ZNF653: variants seen among roughly 807,000 people sequenced by gnomAD.
The protein encoded by ZNF653 is 67 kDa zinc finger protein.
A neutral mutation model predicts 59.9 loss-of-function variants in ZNF653; 37 were observed. The ratio of observed to expected loss-of-function variants is 0.62; its 90% CI spans 0.48 to 0.81. The LOEUF (loss-of-function observed/expected upper bound fraction) is 0.81. Among genes scored for constraint, ZNF653 ranks in the 40% least tolerant of loss-of-function variants. The pLI, the probability that ZNF653 is intolerant of heterozygous loss-of-function variation, is 0.00. For missense variants in ZNF653, 808 were observed against 881.1 expected (o/e 0.92, Z 1.05); for synonymous variants, 435 against 371.8 (o/e 1.17, Z -1.96).
chr19:11,491,584 C>A (rs1356111969), intron 3 of ZNF653, among the ~76,000 whole-genome samples: 2 of 152,008 alleles, frequency 1.3e-5, no homozygotes, highest in East Asian at 3.9e-4. Context: ...ATTCCCTCGG[C>A]TTGAATCCTC....
Position 11,484,242 on chromosome 19 carries a change from G to C in ZNF653, c.1571-101C>G, listed in dbSNP as rs1234188976. 4.2e-6 allele frequency: 4 copies of C among 959,640 alleles called. No homozygotes were observed. In the East Asian group the frequency reaches 1.1e-4, roughly 25 times the overall value. The allele number at this position is 959,640 out of a possible 1,614,324, so 59.4% of individuals were successfully genotyped here. ...GAAGGAGCATCAGGCTGTCTCCTTGGATCTCCCAGGACTGCAGGTGCAGGC... is the reference window on the plus strand; with the variant it reads ...GAAGGAGCATCAGGCTGTCTCCTTGCATCTCCCAGGACTGCAGGTGCAGGC... On this transcript the variant is annotated intron_variant, in intron 7 of 8. Coordinates refer to ENST00000293771, the MANE Select transcript of ZNF653 (RefSeq NM_138783.4).
rs762964628 is a variant in ZNF653, at chr19:11,496,134, G to A, written c.375C>T (p.Asn125=). Residue 125 remains asparagine (N), a synonymous_variant, in exon 3 of 9, where the codon AAC becomes AAT. Coordinates refer to ENST00000293771, the MANE Select transcript of ZNF653 (RefSeq NM_138783.4). ...TGTGGTCCTCGTACCAGATCACCAC[G>A]TTCTTCAGGCAGTTCACGTTGCGTC... ...RRRRNVNCLK[N]VVIWYEDHKH... 8 of 1,613,868 alleles carry A rather than the reference G, an allele frequency of 5.0e-6. No individual in the cohort carries two copies. The highest frequency in any genetic ancestry group is 4.4e-5 in the South Asian group (4 of 91,086).
intron 1 of ZNF653, chr19:11,505,152 G>C (rs978866118): frequency 7.6e-6 from 2 of 264,040 alleles, no homozygotes; most frequent in African/African-American, 2.2e-5. Flanking sequence ...TGAGGGGGCG[G>C]GGCTGCCCCC....
intron 1 of ZNF653, among the ~76,000 whole-genome samples, chr19:11,502,621 AG>A (rs2144953349): frequency 6.6e-6 from 1 of 152,202 alleles, no homozygotes; most frequent in South Asian, 2.1e-4. Context: ...TCTTGAGTCC[AG>A]GAGTTCAAGA....
intron 1 of ZNF653, among the ~76,000 whole-genome samples, chr19:11,501,564 G>A (rs1254837992): frequency 6.6e-6 from 1 of 152,106 alleles, no homozygotes; most frequent in Non-Finnish European, 1.5e-5. Flanking sequence ...AACTCCTCCA[G>A]TCAGAGCTTT....
At chr19:11,483,927 C>A in intron 8 of ZNF653, 68 bp from the exon 9 acceptor site, 1 of 1,517,970 alleles carries the variant, frequency 6.6e-7, no homozygotes, top group Middle Eastern at 2.3e-4. Context: ...CCCTACAAGG[C>A]CGAGCGCAGG....
At chr19:11,490,237 C>G (rs977762205) in intron 3 of ZNF653, among the ~76,000 whole-genome samples, 9 of 152,222 alleles carry the variant, frequency 5.9e-5, no homozygotes, top group Non-Finnish European at 1.2e-4. Context: ...AACTCAGCGA[C>G]AGCCAAAGGG....
chr19:11,494,797 A>G (rs1009571436), intron 3 of ZNF653, among the ~76,000 whole-genome samples: 1 of 152,232 alleles, frequency 6.6e-6, no homozygotes, highest in Non-Finnish European at 1.5e-5. Flanking sequence ...CAAATGGGCC[A>G]GTCAGATCAC....
At chr19:11,505,193 G>A in intron 1 of ZNF653, 1 of 365,194 alleles carries the variant, frequency 2.7e-6, no homozygotes, top group Non-Finnish European at 4.9e-6. Context: ...AGGCCTGGAG[G>A]TGGGGCCAGT....
chr19:11,486,971 C>T lies in ZNF653; in HGVS notation c.1343+16G>A, dbSNP rs1971473457. On this transcript the variant is annotated intron_variant, in intron 5 of 8. Transcript: ENST00000293771. ...TTCTAGCCCTCGCCCTCACCCTTGCCCGCCCCGGCACCCACTTCTCAGGCT... is the reference window on the plus strand; with the variant it reads ...TTCTAGCCCTCGCCCTCACCCTTGCTCGCCCCGGCACCCACTTCTCAGGCT... 6.2e-7 allele frequency: 1 copy of T among 1,612,790 alleles called. No individual in the cohort carries two copies. The highest frequency in any genetic ancestry group is 8.5e-7 in the Non-Finnish European group (1 of 1,179,214).
At chr19:11,484,974 C>T (rs747494618) in intron 7 of ZNF653, among the ~76,000 whole-genome samples, 2 of 151,264 alleles carry the variant, frequency 1.3e-5, no homozygotes, top group Non-Finnish European at 2.9e-5. Flanking sequence ...TGCTTGAACC[C>T]GGGAGGCAGA....
In ZNF653 at chr19:11,505,745, A is replaced by AGCCTCCGCCTCC. The variant is rs759303273; in HGVS notation, c.30_41dup (p.Glu13_Ala16dup). 2.1e-6 allele frequency: 3 copies of AGCCTCCGCCTCC among 1,401,504 alleles called. No homozygotes were observed. The highest frequency in any genetic ancestry group is 6.8e-5 in the Admixed American group (2 of 29,384). 86.8% of individuals were successfully genotyped at this position (1,401,504 alleles called of 1,614,324 possible). The stretch of plus-strand genomic sequence containing the variant: ...CTGCCTCCCCGCCCGCGCCCGCCTC[A>AGCCTCCGCCTCC]GCCTCCGCCTCCGCCTCGGGCTCTA... On this transcript the variant is annotated inframe_insertion, in exon 1 of 9. Coordinates refer to ENST00000293771, the MANE Select transcript of ZNF653 (RefSeq NM_138783.4).
rs1390321286 is a variant in ZNF653, at chr19:11,505,726, C to G, written c.61G>C (p.Glu21Gln). 6.8e-7 allele frequency: 1 copy of G among 1,462,752 alleles called. No individual in the cohort carries two copies. The highest frequency in any genetic ancestry group is 2.6e-5 in the Admixed American group (1 of 37,758). The allele number at this position is 1,462,752 out of a possible 1,614,324, so 90.6% of individuals were successfully genotyped here. ...GCTGCGCCCTCCTCGGCTGCTGCCT[C>G]CCCGCCCGCGCCCGCCTCAGCCTCC... is the stretch of plus-strand genomic sequence containing the variant. ...EAEAEAGAGG[E>Q]AAAEEGAAGR... is the part of the protein sequence containing the mutation. The change falls in exon 1 of 9, where the codon GAG becomes CAG. Residue 21 changes from glutamate to glutamine, a missense_variant. Transcript: ENST00000293771.
intron 1 of ZNF653, 124 bp from the exon 2 acceptor site, chr19:11,498,463 A>T (rs1599567373): frequency 7.7e-7 from 1 of 1,300,842 alleles, no homozygotes; most frequent in East Asian, 2.4e-5. Context: ...GAACTTTTTG[A>T]GATGGAGTCT....
At chr19:11,485,054 C>T (rs1197634865) in intron 7 of ZNF653, among the ~76,000 whole-genome samples, 2 of 151,362 alleles carry the variant, frequency 1.3e-5, no homozygotes, top group South Asian at 2.1e-4. Flanking sequence ...AAAATAACCA[C>T]ACACACATTA....
At chr19:11,490,660 T>C (rs1032567867) in intron 3 of ZNF653, among the ~76,000 whole-genome samples, 8 of 152,144 alleles carry the variant, frequency 5.3e-5, no homozygotes, top group African/African-American at 1.9e-4. Flanking sequence ...CCCAAAGTGC[T>C]GGGATTACAG....
At chr19:11,494,359 T>TAACATAACATAACATAACATAA (rs1971560825) in intron 3 of ZNF653, among the ~76,000 whole-genome samples, 1 of 147,068 alleles carries the variant, frequency 6.8e-6, no homozygotes, top group African/African-American at 2.6e-5. Flanking sequence ...TAACATAACA[T>TAACATAACATAACATAACATAA]AACATAACAT....
At chr19:11,489,802 CA>C (rs1971511286) in intron 3 of ZNF653, among the ~76,000 whole-genome samples, 1 of 152,220 alleles carries the variant, frequency 6.6e-6, no homozygotes, top group African/African-American at 2.4e-5. Flanking sequence ...CCCCCAGACC[CA>C]CGCTGTGGTA....
rs1024892693 is a variant in ZNF653 at position 11,505,730 on chromosome 19, G to T, written c.57C>A (p.Gly19=). The change falls in exon 1 of 9, where the codon GGC becomes GGA. Residue 19 remains glycine (G), a synonymous_variant. Transcript: ENST00000293771. ...CGCCCTCCTCGGCTGCTGCCTCCCC[G>T]CCCGCGCCCGCCTCAGCCTCCGCCT... ...EAEAEAEAGA[G]GEAAAEEGAA... is the part of the protein sequence containing the mutation. The T allele has an allele frequency of 2.1e-6, 3 of 1,406,294 alleles. No individual in the cohort carries two copies. The highest frequency in any genetic ancestry group is 1.7e-5 in the African/African-American group (1 of 60,402). The allele number at this position is 1,406,294 out of a possible 1,614,324, so 87.1% of individuals were successfully genotyped here. A position where few individuals can be genotyped will look rare whatever the true frequency, so the allele number is the denominator to read the frequency against.
Sources: allele counts gnomAD v4.1 joint callset (sites outside exome capture counted in the v4.1 genomes callset), GRCh38; gene constraint gnomAD v4.1.1; transcripts MANE v1.5; gene names NCBI Gene and HGNC (gene_info 2026-07-23, HGNC 2026-07-21).